ARID1A: variants seen among roughly 807,000 people sequenced by gnomAD.
The protein encoded by ARID1A is AT-rich interactive domain-containing protein 1A.
A neutral mutation model predicts 212.6 loss-of-function variants in ARID1A; 20 were observed. The observed-to-expected ratio is 0.09, with a 90% confidence interval of 0.07 to 0.14. The LOEUF is 0.14. ARID1A is among the 10% of genes least tolerant of loss of function. The pLI is 1.00. For missense variants in ARID1A, 2,587 were observed against 3,059.0 expected (o/e 0.85, Z 3.64); for synonymous variants, 1,376 against 1,222.1 (o/e 1.13, Z -2.63).
At chr1:26,735,161 T>G (rs2080717486) in intron 4 of ARID1A, among the ~76,000 whole-genome samples, 2 of 151,604 alleles carry the variant, frequency 1.3e-5, no homozygotes, top group African/African-American at 4.9e-5. Context: ...TTCACACTCT[T>G]GTTGCCCAGG....
Position 26,696,249 on chromosome 1 carries a change from G to C in ARID1A, c.-155G>C, listed in dbSNP as rs2080249454. 1.1e-6 allele frequency: 1 copy of C among 919,810 alleles called. No homozygotes were observed. The highest frequency in any genetic ancestry group is 4.8e-5 in the Admixed American group (1 of 20,708). 57.0% of individuals were successfully genotyped at this position (919,810 alleles called of 1,614,324 possible). On this transcript the variant is annotated 5_prime_UTR_variant, in exon 1 of 20. Coordinates refer to ENST00000324856, the MANE Select transcript of ARID1A (RefSeq NM_006015.6). ...GAGCCTGAGCCGGCGGGGCGGGGGG[G>C]AGAGGAGCGAGCGCAGCGCAGCAGC...
intron 1 of ARID1A, among the ~76,000 whole-genome samples, chr1:26,721,722 A>G (rs2080566880): frequency 6.6e-6 from 1 of 152,182 alleles, no homozygotes. Context: ...ATGAAGAGAG[A>G]AGGACTTATC....
At chr1:26,721,731 T>C (rs2080566983) in intron 1 of ARID1A, among the ~76,000 whole-genome samples, 1 of 152,218 alleles carries the variant, frequency 6.6e-6, no homozygotes, top group African/African-American at 2.4e-5. Context: ...GAAGGACTTA[T>C]CATTTGTTGG....
chr1:26,743,757 G>A (rs377024533), intron 4 of ARID1A, among the ~76,000 whole-genome samples: 3 of 150,296 alleles, frequency 2.0e-5, no homozygotes, highest in Non-Finnish European at 3.0e-5. Context: ...GCTTGAACCC[G>A]GGAGGCAGAG....
At chr1:26,755,965 G>A (rs920087591) in intron 4 of ARID1A, among the ~76,000 whole-genome samples, 1 of 151,866 alleles carries the variant, frequency 6.6e-6, no homozygotes, top group African/African-American at 2.4e-5. Context: ...GGATGGTCTC[G>A]ATCTCCTGAC....
intron 4 of ARID1A, among the ~76,000 whole-genome samples, chr1:26,736,511 C>T (rs2080731327): frequency 2.0e-5 from 3 of 151,406 alleles, no homozygotes; most frequent in Admixed American, 1.3e-4. Context: ...CACCTGTAGT[C>T]CCAGCTACTC....
Position 26,780,478 on chromosome 1 carries a change from A to C in ARID1A, c.6580A>C (p.Asn2194His), listed in dbSNP as rs2124150694. ...TGCAGTGCAGAAGGGCAGTATCGGCAACCTCCTGGGCTTCCTAGAGGACAG... is the reference window on the plus strand; with the variant it reads ...TGCAGTGCAGAAGGGCAGTATCGGCCACCTCCTGGGCTTCCTAGAGGACAG... The part of the protein sequence containing the change: ...AIAVQKGSIG[N>H]LLGFLEDSLA... The change falls in exon 20 of 20, where the codon AAC (asparagine) becomes CAC (histidine). Residue 2194 changes from asparagine to histidine, a missense_variant. Physicochemically the swap from Asn to His is moderately conservative, Grantham distance 68 (BLOSUM62 1). This residue lies in a region of ARID1A where 168 missense variants were observed against 321.0 expected (regional missense o/e 0.52). Transcript: ENST00000324856. The surrounding 1 kb of genome is among the most constrained non-coding windows in gnomAD (Gnocchi z 7.2). 6.2e-7 allele frequency: 1 copy of C among 1,614,250 alleles called. No individual in the cohort carries two copies. The highest frequency in any genetic ancestry group is 2.2e-5 in the East Asian group (1 of 44,884).
chr1:26,779,332 C>T lies in ARID1A; in HGVS notation c.5434C>T (p.Leu1812Phe), dbSNP rs1470002031. The T allele has an allele frequency of 3.1e-6, 5 of 1,614,222 alleles. No homozygotes were observed. The highest frequency in any genetic ancestry group is 4.2e-6 in the Non-Finnish European group (5 of 1,180,046). ...GAAGCTGATCAGTAAGTTTGACAAG[C>T]TTCCAGTAAAGATCGTACAGAAGAA... is the stretch of plus-strand genomic sequence containing the variant. The part of the protein sequence containing the change: ...EEKLISKFDK[L>F]PVKIVQKNDP... Residue 1812 changes from leucine to phenylalanine, a missense_variant, in exon 20 of 20, where the codon CTT (leucine) becomes TTT (phenylalanine). Coordinates refer to ENST00000324856, the MANE Select transcript of ARID1A (RefSeq NM_006015.6).
At chr1:26,705,069 A>T (rs1430375513) in intron 1 of ARID1A, among the ~76,000 whole-genome samples, 3 of 152,074 alleles carry the variant, frequency 2.0e-5, no homozygotes, top group African/African-American at 4.8e-5. Context: ...TGGCATGTCC[A>T]GTGCCAGGCC....
At chr1:26,761,607 A>G in intron 6 of ARID1A, 134 bp downstream of exon 6, 1 of 826,240 alleles carries the variant, frequency 1.2e-6, no homozygotes, top group Non-Finnish European at 1.9e-6. Flanking sequence ...TATATTCTTT[A>G]AAAGTTGACG....
At chr1:26,721,480 G>A (rs1238939754) in intron 1 of ARID1A, among the ~76,000 whole-genome samples, 1 of 152,226 alleles carries the variant, frequency 6.6e-6, no homozygotes, top group East Asian at 1.9e-4. Context: ...GGGATTACAG[G>A]CGTGAGCCAC....
At position 26,697,413 on chromosome 1, in the gene ARID1A, G is replaced by T. The variant is rs1274006670; in HGVS notation, c.1010G>T (p.Trp337Leu). 1 of 1,351,398 alleles carries T rather than the reference G, an allele frequency of 7.4e-7. No individual in the cohort carries two copies. Among genetic ancestry groups the T allele is most frequent in the Non-Finnish European group, 9.4e-7 (1 of 1,063,214 alleles). The allele number at this position is 1,351,398 out of a possible 1,614,324, so 83.7% of individuals were successfully genotyped here. The part of the protein sequence containing the change: ...KGPADMASQC[W>L]GAAAAAAAAA... ...CCGGCGGACATGGCCTCGCAGTGTT[G>T]GGGGGCTGCGGCGGCGGCAGCTGCG... The change falls in exon 1 of 20, where the codon TGG becomes TTG. Residue 337 changes from tryptophan (W) to leucine (L), a missense_variant. This residue lies in a region of ARID1A where 735 missense variants were observed against 590.6 expected (regional missense o/e 1.24). Coordinates refer to ENST00000324856, the MANE Select transcript of ARID1A (RefSeq NM_006015.6).
intron 19 of ARID1A, among the ~76,000 whole-genome samples, chr1:26,776,787 A>G (rs1017194284): frequency 6.6e-6 from 1 of 152,106 alleles, no homozygotes; most frequent in Non-Finnish European, 1.5e-5. Flanking sequence ...ATTTTGTTTC[A>G]TGTCATCCTA....
intron 1 of ARID1A, among the ~76,000 whole-genome samples, chr1:26,701,112 G>C (rs1419614011): frequency 6.6e-6 from 1 of 152,188 alleles, no homozygotes; most frequent in Non-Finnish European, 1.5e-5. Flanking sequence ...GTCTACAGTA[G>C]ACCTTTTGCA....
chr1:26,776,896 A>G (rs2081141476), intron 19 of ARID1A, among the ~76,000 whole-genome samples: 1 of 152,156 alleles, frequency 6.6e-6, no homozygotes, highest in African/African-American at 2.4e-5. Flanking sequence ...AGTAGAATCT[A>G]TCTGATTCCT....
chr1:26,710,523 A>ACTTGTTGTTC, intron 1 of ARID1A, among the ~76,000 whole-genome samples: 2 of 151,342 alleles, frequency 1.3e-5, no homozygotes, highest in Non-Finnish European at 2.9e-5. Context: ...ACACACACAC[A>ACTTGTTGTTC]CACACCACTT....
intron 1 of ARID1A, chr1:26,728,967 C>G (rs2080646406): frequency 6.7e-6 from 1 of 148,672 alleles, no homozygotes; most frequent in Non-Finnish European, 1.5e-5. Flanking sequence ...TCTTCTTGCT[C>G]TTTTTTTTTT....
intron 1 of ARID1A, among the ~76,000 whole-genome samples, chr1:26,701,386 T>C (rs935379019): frequency 6.6e-6 from 1 of 152,222 alleles, no homozygotes; most frequent in African/African-American, 2.4e-5. Flanking sequence ...GGTTTTTCCT[T>C]GTTTAGATTG....
Position 26,775,717 on chromosome 1 carries a change from A to G in ARID1A, c.5124+10A>G, listed in dbSNP as rs2124127417. 6.2e-7 allele frequency: 1 copy of G among 1,614,182 alleles called. No homozygotes were observed. The highest frequency in any genetic ancestry group is 1.1e-5 in the South Asian group (1 of 91,082). On this transcript the variant is annotated intron_variant, in intron 19 of 19. Coordinates refer to ENST00000324856, the MANE Select transcript of ARID1A (RefSeq NM_006015.6). ...CTTCAACCTCAGTCAGGTGAGTATC[A>G]GTGCCTGGGGAAGATTGAGAGGGTT...
Sources: gnomAD v4.1 joint callset for allele counts (sites outside exome capture counted in the v4.1 genomes callset) on GRCh38, gnomAD v4.1.1 for gene constraint, gnomAD v4.1.1 regional missense constraint, Gnocchi (gnomAD v3.1) non-coding constraint, MANE v1.5 for transcripts, NCBI Gene and HGNC (gene_info 2026-07-23, HGNC 2026-07-21) for gene names.